C8orf34: variants seen among roughly 807,000 people sequenced by gnomAD.
The protein encoded by C8orf34 is chromosome 8 open reading frame 34, also known as uncharacterized protein C8orf34.
C8orf34 carries 65 observed loss-of-function variants against 68.3 expected under a neutral mutation model. That is an observed-to-expected ratio of 0.95 (90% CI 0.78 to 1.17). The LOEUF (loss-of-function observed/expected upper bound fraction) is 1.17, where lower values mean the gene tolerates loss of function less well. C8orf34 is among the 50% of genes most tolerant of loss of function. C8orf34 has a pLI of 0.00. For synonymous variants in C8orf34, 244 were observed against 241.2 expected, an observed-to-expected ratio of 1.01 and a Z score of -0.11; for missense variants, 664 against 655.4, an observed-to-expected ratio of 1.01 and a Z score of -0.14.
At chr8:68,390,618 G>C (rs1808442276) in intron 1 of C8orf34, among the ~76,000 whole-genome samples, 1 of 152,090 alleles carries the variant, frequency 6.6e-6, no homozygotes, top group Non-Finnish European at 1.5e-5. Flanking sequence ...GATGGTGCAG[G>C]CTGTGTACAT....
intron 1 of C8orf34, among the ~76,000 whole-genome samples, chr8:68,331,973 A>G (rs1805630492): frequency 1.3e-5 from 2 of 150,454 alleles, no homozygotes; most frequent in African/African-American, 4.9e-5. Context: ...CACTGGACGA[A>G]AGGAGAGTCC....
intron 1 of C8orf34, among the ~76,000 whole-genome samples, chr8:68,370,123 G>A (rs1807494864): frequency 6.6e-6 from 1 of 152,082 alleles, no homozygotes; most frequent in Admixed American, 6.5e-5. Context: ...TTTCCCTGGG[G>A]CAGACTCTCC....
At chr8:68,657,656 C>A (rs1010489469) in intron 8 of C8orf34, among the ~76,000 whole-genome samples, 41 of 152,164 alleles carry the variant, frequency 2.7e-4, no homozygotes, top group African/African-American at 9.7e-4. Flanking sequence ...TTATCTTTTT[C>A]TGCTTTCTAC....
chr8:68,625,452 A>G, intron 7 of C8orf34: 2 of 549,416 alleles, frequency 3.6e-6, no homozygotes, highest in South Asian at 2.4e-5. Context: ...CACAGAGGCA[A>G]CTCTCCAAGA....
At chr8:68,737,997 A>G (rs1485860392) in intron 10 of C8orf34, among the ~76,000 whole-genome samples, 1 of 152,146 alleles carries the variant, frequency 6.6e-6, no homozygotes, top group Non-Finnish European at 1.5e-5. Flanking sequence ...CACATGGCAC[A>G]TACTTTAACA....
chr8:68,619,947 C>G (rs1818340143), intron 7 of C8orf34, among the ~76,000 whole-genome samples: 1 of 151,998 alleles, frequency 6.6e-6, no homozygotes, highest in African/African-American at 2.4e-5. Context: ...AATAGAAAAC[C>G]TGGGTGTGTA....
intron 8 of C8orf34, among the ~76,000 whole-genome samples, chr8:68,659,321 C>G (rs1819602144): frequency 6.6e-6 from 1 of 152,108 alleles, no homozygotes; most frequent in African/African-American, 2.4e-5. Context: ...ACACAGTGAG[C>G]CTGGTTTCAA....
chr8:68,659,180 G>A (rs1485440006), intron 8 of C8orf34, among the ~76,000 whole-genome samples: 1 of 152,040 alleles, frequency 6.6e-6, no homozygotes, highest in Non-Finnish European at 1.5e-5. Context: ...CCAGCAGATA[G>A]CTTGCTTGGG....
chr8:68,540,395 T>A (rs1371725158), intron 7 of C8orf34, among the ~76,000 whole-genome samples: 3 of 151,302 alleles, frequency 2.0e-5, no homozygotes, highest in Admixed American at 6.6e-5. Flanking sequence ...ACAGAAAAAA[T>A]TTCATATATA....
At chr8:68,686,992 C>T (rs563558198) in intron 8 of C8orf34, among the ~76,000 whole-genome samples, 12 of 151,902 alleles carry the variant, frequency 7.9e-5, no homozygotes, top group Non-Finnish European at 1.5e-4. Flanking sequence ...AGAATCAAAT[C>T]GAGGACTCAA....
At chr8:68,667,483 C>A (rs1819876276) in intron 8 of C8orf34, among the ~76,000 whole-genome samples, 1 of 152,138 alleles carries the variant, frequency 6.6e-6, no homozygotes, top group African/African-American at 2.4e-5. Context: ...AGTCCAGCAG[C>A]AGCTGTTATG....
chr8:68,795,098 C>G (rs1294758580), intron 12 of C8orf34, among the ~76,000 whole-genome samples: 1 of 151,884 alleles, frequency 6.6e-6, no homozygotes, highest in Non-Finnish European at 1.5e-5. Context: ...GCTGTTGAGC[C>G]CTTCTAGTGG....
chr8:68,797,376 A>C (rs1470292530), intron 12 of C8orf34, among the ~76,000 whole-genome samples: 1 of 152,066 alleles, frequency 6.6e-6, no homozygotes, highest in Non-Finnish European at 1.5e-5. Context: ...GATTGGGCTC[A>C]GTCCTATTCA....
At chr8:68,778,795 G>A (rs946787282) in intron 11 of C8orf34, among the ~76,000 whole-genome samples, 4 of 152,090 alleles carry the variant, frequency 2.6e-5, no homozygotes, top group African/African-American at 7.2e-5. Flanking sequence ...CATTTAGAAA[G>A]AGTATAATTT....
chr8:68,339,709 G>A (rs980141520), intron 1 of C8orf34, among the ~76,000 whole-genome samples: 3 of 151,864 alleles, frequency 2.0e-5, no homozygotes, highest in Non-Finnish European at 4.4e-5. Flanking sequence ...GAGAGTGTAG[G>A]AGATAATTTT....
intron 10 of C8orf34, among the ~76,000 whole-genome samples, chr8:68,774,981 G>T (rs1282637905): frequency 9.5e-6 from 1 of 105,310 alleles, no homozygotes; most frequent in Non-Finnish European, 2.0e-5. Context: ...GCTGGGCGGG[G>T]TGGCACATGT....
intron 5 of C8orf34, among the ~76,000 whole-genome samples, chr8:68,505,572 A>T (rs1813975511): frequency 7.5e-6 from 1 of 132,696 alleles, no homozygotes; most frequent in Non-Finnish European, 1.5e-5. Context: ...TCTACCAAAA[A>T]TACAAAAAAT....
intron 1 of C8orf34, among the ~76,000 whole-genome samples, chr8:68,376,635 T>C (rs572988987): frequency 6.6e-6 from 1 of 151,986 alleles, no homozygotes; most frequent in African/African-American, 2.4e-5. Context: ...ATCATTTTAC[T>C]TCTCTCTCTC....
intron 10 of C8orf34, among the ~76,000 whole-genome samples, chr8:68,760,219 C>T (rs953324095): frequency 4.6e-5 from 7 of 151,950 alleles, no homozygotes; most frequent in African/African-American, 9.7e-5. Context: ...GATGGGGGGC[C>T]GTGATGTTGG....
Sources: gnomAD v4.1 joint callset for allele counts (sites outside exome capture counted in the v4.1 genomes callset) on GRCh38, gnomAD v4.1.1 for gene constraint, MANE v1.5 for transcripts, NCBI Gene and HGNC (gene_info 2026-07-23, HGNC 2026-07-21) for gene names.